SPATA6: variants seen among roughly 807,000 people sequenced by gnomAD.
The protein encoded by SPATA6 is spermatogenesis associated 6, also known as spermatogenesis-associated protein 6.
In SPATA6, 56 loss-of-function variants were observed where a neutral mutation model predicts 65.3. The observed-to-expected ratio is 0.86, with a 90% CI of 0.69 to 1.07. SPATA6 has a LOEUF of 1.07. Ranked by LOEUF, SPATA6 falls within the 50% of genes least tolerant of loss-of-function variation. SPATA6 has a pLI of 0.00. For synonymous variants in SPATA6, 199 were observed against 213.2 expected (o/e 0.93, Z 0.58); for missense variants, 590 against 594.8 (o/e 0.99, Z 0.08).
At chr1:48,367,658 C>A (rs1647069405) in intron 9 of SPATA6, among the ~76,000 whole-genome samples, 1 of 152,108 alleles carries the variant, frequency 6.6e-6, no homozygotes, top group Admixed American at 6.5e-5. Context: ...GGTAGATCTT[C>A]CTCCATCCCT....
intron 12 of SPATA6, among the ~76,000 whole-genome samples, chr1:48,299,501 C>A (rs1204092454): frequency 3.7e-5 from 3 of 81,834 alleles, no homozygotes; most frequent in Non-Finnish European, 7.3e-5. Flanking sequence ...ACAACAAGAG[C>A]AAAACTCCGT....
intron 3 of SPATA6, among the ~76,000 whole-genome samples, chr1:48,416,012 G>A (rs1213613380): frequency 1.3e-5 from 2 of 151,802 alleles, no homozygotes; most frequent in Non-Finnish European, 2.9e-5. Flanking sequence ...AGACCAGCCT[G>A]GGCAACGTGG....
At chr1:48,387,906 T>G (rs1649649754) in intron 8 of SPATA6, among the ~76,000 whole-genome samples, 1 of 152,190 alleles carries the variant, frequency 6.6e-6, no homozygotes, top group South Asian at 2.1e-4. Context: ...AGGGTCATCC[T>G]GCCACTGTCA....
At chr1:48,471,043 G>C (rs1658199132) in intron 1 of SPATA6, among the ~76,000 whole-genome samples, 1 of 152,128 alleles carries the variant, frequency 6.6e-6, no homozygotes, top group Non-Finnish European at 1.5e-5. Flanking sequence ...CTCTAAACAG[G>C]GGAATGAGAG....
intron 11 of SPATA6, among the ~76,000 whole-genome samples, chr1:48,322,651 A>C (rs1645632196): frequency 6.6e-6 from 1 of 152,238 alleles, no homozygotes. Flanking sequence ...AATAGGAGAA[A>C]ATTTTTGCAA....
At chr1:48,283,697 A>AAAAAGAAAGAAAG in the SPATA6 span, among the ~76,000 whole-genome samples, 3 of 12,012 alleles carry the variant, frequency 2.5e-4, no homozygotes, top group African/African-American at 5.5e-4. Flanking sequence ...AAAAAAAAAA[A>AAAAAGAAAGAAAG]AAAGAAAGAA....
chr1:48,314,661 AC>A (rs1645345912), intron 11 of SPATA6, among the ~76,000 whole-genome samples: 1 of 152,182 alleles, frequency 6.6e-6, no homozygotes, highest in African/African-American at 2.4e-5. Context: ...CACATTCAAA[AC>A]CTGGCAGAAG....
intron 1 of SPATA6, among the ~76,000 whole-genome samples, chr1:48,456,036 T>C (rs1656975634): frequency 6.6e-6 from 1 of 152,184 alleles, no homozygotes; most frequent in South Asian, 2.1e-4. Flanking sequence ...AGCATGCACA[T>C]GTGCAAAGCT....
chr1:48,393,071 A>G (rs2249025), intron 8 of SPATA6, among the ~76,000 whole-genome samples: 60,673 of 152,012 alleles, frequency 0.4, 12,641 homozygotes, highest in African/African-American at 0.52. Context: ...TTCAGGCAAC[A>G]GTAATCAATA....
intron 11 of SPATA6, among the ~76,000 whole-genome samples, chr1:48,323,671 G>A (rs1482394566): frequency 6.7e-6 from 1 of 148,470 alleles, no homozygotes; most frequent in Non-Finnish European, 1.5e-5. Flanking sequence ...GAAACAGAAG[G>A]TATTACAAAA....
At chr1:48,447,893 T>A (rs1352150970) in intron 3 of SPATA6, 1 of 152,002 alleles carries the variant, frequency 6.6e-6, no homozygotes, top group Non-Finnish European at 1.5e-5. Flanking sequence ...TAGGGCAAAG[T>A]CAGTGGGAAG....
intron 9 of SPATA6, among the ~76,000 whole-genome samples, chr1:48,368,956 G>T (rs1000038163): frequency 2.0e-5 from 3 of 152,148 alleles, no homozygotes; most frequent in African/African-American, 7.2e-5. Context: ...TGATGGTGAT[G>T]TACAGATGGG....
At chr1:48,263,457 G>A in the SPATA6 span, among the ~76,000 whole-genome samples, 26 of 151,898 alleles carry the variant, frequency 1.7e-4, no homozygotes, top group Non-Finnish European at 3.1e-4. Flanking sequence ...ACCGATGTGC[G>A]CCCCTACATG....
chr1:48,467,716 CA>C (rs1657917800), intron 1 of SPATA6, among the ~76,000 whole-genome samples: 2 of 151,946 alleles, frequency 1.3e-5, no homozygotes, highest in South Asian at 4.1e-4. Context: ...AGCAAGAAAA[CA>C]AAAAACCTAA....
At chr1:48,422,294 A>T (rs1653421488) in intron 3 of SPATA6, among the ~76,000 whole-genome samples, 1 of 152,222 alleles carries the variant, frequency 6.6e-6, no homozygotes, top group Non-Finnish European at 1.5e-5. Context: ...GACAAAGCCA[A>T]GATCTGGGAG....
At chr1:48,321,677 G>C (rs1391027478) in intron 11 of SPATA6, among the ~76,000 whole-genome samples, 1 of 152,078 alleles carries the variant, frequency 6.6e-6, no homozygotes, top group Non-Finnish European at 1.5e-5. Context: ...AAACCTAATA[G>C]ATATTTACAG....
chr1:48,309,004 A>G (rs1167436833), intron 11 of SPATA6, among the ~76,000 whole-genome samples: 3 of 152,026 alleles, frequency 2.0e-5, no homozygotes, highest in African/African-American at 7.2e-5. Flanking sequence ...TCCCATTTCA[A>G]CCTTCTGAAT....
intron 1 of SPATA6, among the ~76,000 whole-genome samples, chr1:48,471,638 C>A (rs374643144): frequency 6.6e-6 from 1 of 152,090 alleles, no homozygotes; most frequent in East Asian, 1.9e-4. Context: ...GCCCCCGCGC[C>A]GCGCACATAC....
At chr1:48,431,635 T>G (rs962740496) in intron 3 of SPATA6, among the ~76,000 whole-genome samples, 1 of 152,158 alleles carries the variant, frequency 6.6e-6, no homozygotes, top group South Asian at 2.1e-4. Context: ...CTTGGAAAAT[T>G]CACCAATTTA....
Sources: allele counts gnomAD v4.1 joint callset (sites outside exome capture counted in the v4.1 genomes callset), GRCh38; gene constraint gnomAD v4.1.1; transcripts MANE v1.5; gene names NCBI Gene and HGNC (gene_info 2026-07-23, HGNC 2026-07-21).